The following PLPP1 variants were observed in gnomAD, a reference collection of about 807,000 sequenced individuals.
PLPP1 encodes the protein lipid phosphate phosphohydrolase 1a.
A neutral mutation model predicts 31.2 loss-of-function variants in PLPP1; 24 were observed. The observed-to-expected ratio is 0.77, with a 90% confidence interval of 0.56 to 1.08. The LOEUF (loss-of-function observed/expected upper bound fraction) is 1.08, where lower values mean the gene tolerates loss of function less well. Among genes scored for constraint, PLPP1 ranks in the 50% least tolerant of loss-of-function variants. The probability of loss-of-function intolerance (pLI) is 0.00; values close to 1 mark genes in which losing one functional copy is unlikely to be tolerated. For synonymous variants in PLPP1, 146 were observed against 126.3 expected, an observed-to-expected ratio of 1.16 and a Z score of -1.05; for missense variants, 319 against 342.7, an observed-to-expected ratio of 0.93 and a Z score of 0.55.
At chr5:55,529,431 G>A (rs1561259898) in intron 1 of PLPP1, among the ~76,000 whole-genome samples, 2 of 152,036 alleles carry the variant, frequency 1.3e-5, no homozygotes, top group East Asian at 3.8e-4. Context: ...TGAAAATTCT[G>A]AGGCCAAAGA....
Position 55,430,713 on chromosome 5 carries a change from GT to G in PLPP1, c.550-4675del, listed in dbSNP as rs1481151320. ...AATATGACACTTCCAAAGGAACACA[GT>G]AATTTTGTAGCAACAGATTCCAATG... On this transcript the variant is annotated intron_variant, in intron 4 of 5. Coordinates refer to ENST00000307259, the MANE Select transcript of PLPP1 (RefSeq NM_003711.4). Among the ~76,000 whole-genome samples, 3 of 152,278 alleles carry G rather than the reference GT, an allele frequency of 2.0e-5. No homozygotes were observed. In the East Asian group the frequency reaches 5.8e-4, roughly 29 times the overall value.
intron 1 of PLPP1, among the ~76,000 whole-genome samples, chr5:55,500,892 T>C (rs928405558): frequency 5.9e-5 from 9 of 152,238 alleles, no homozygotes; most frequent in Non-Finnish European, 1.3e-4. Context: ...ATTATGCCTA[T>C]AACTTACCTG....
At chr5:55,534,052 C>T (rs905709535) in intron 1 of PLPP1, among the ~76,000 whole-genome samples, 1 of 152,196 alleles carries the variant, frequency 6.6e-6, no homozygotes, top group East Asian at 1.9e-4. Flanking sequence ...ACTTGGCGTG[C>T]TCATCCCTAC....
At chr5:55,451,309 G>A (rs936710868) in intron 3 of PLPP1, among the ~76,000 whole-genome samples, 2 of 152,114 alleles carry the variant, frequency 1.3e-5, no homozygotes, top group Non-Finnish European at 2.9e-5. Context: ...GAAAGATAAC[G>A]CTCAAGACAC....
intron 4 of PLPP1, among the ~76,000 whole-genome samples, chr5:55,435,089 T>C (rs939744695): frequency 3.9e-5 from 6 of 152,186 alleles, no homozygotes; most frequent in African/African-American, 1.4e-4. Context: ...GCATGGGGCA[T>C]GAATAGACAA....
chr5:55,492,972 T>C (rs1752926484), intron 1 of PLPP1, among the ~76,000 whole-genome samples: 1 of 152,108 alleles, frequency 6.6e-6, no homozygotes, highest in South Asian at 2.1e-4. Context: ...GGGGAACCTG[T>C]CCTTTAAAAA....
intron 1 of PLPP1, among the ~76,000 whole-genome samples, chr5:55,494,202 A>C (rs984970494): frequency 1.3e-5 from 2 of 151,946 alleles, no homozygotes; most frequent in African/African-American, 2.4e-5. Context: ...AGGGAGAGAG[A>C]GAGCAAGAAG....
At chr5:55,472,760 A>G (rs200919284) in intron 2 of PLPP1, among the ~76,000 whole-genome samples, 1 of 4,752 alleles carries the variant, frequency 2.1e-4, no homozygotes, top group Admixed American at 5.1e-3. Context: ...AGGAAGAGGA[A>G]GAAGAAGAGG....
At chr5:55,508,505 GATGA>G (rs1311443998) in intron 1 of PLPP1, among the ~76,000 whole-genome samples, 4 of 152,178 alleles carry the variant, frequency 2.6e-5, no homozygotes, top group Non-Finnish European at 5.9e-5. Flanking sequence ...ACAAATATTT[GATGA>G]ATGAACAGTC....
At chr5:55,521,494 GCAA>G (rs1258342189) in intron 1 of PLPP1, among the ~76,000 whole-genome samples, 1 of 151,940 alleles carries the variant, frequency 6.6e-6, no homozygotes, top group Non-Finnish European at 1.5e-5. Context: ...CTCAGCCTGG[GCAA>G]CAGAGCGAGA....
At position 55,505,193 on chromosome 5, in the gene PLPP1, A is replaced by G. The variant is rs144407818; in HGVS notation, c.58+29379T>C. 1.7e-3 allele frequency among the ~76,000 whole-genome samples: 258 copies of G among 152,172 alleles called. 1 individual carries two copies. Among genetic ancestry groups the G allele is most frequent in the Middle Eastern group, 6.8e-3 (2 of 294 alleles). ...TTTACCCTCTTCTTATCATCCCCCT[A>G]TATTTTCTATACTTCATCTACTCAA... On this transcript the variant is annotated intron_variant, in intron 1 of 5. Coordinates refer to ENST00000307259, the MANE Select transcript of PLPP1 (RefSeq NM_003711.4).
intron 1 of PLPP1, among the ~76,000 whole-genome samples, chr5:55,499,688 A>T (rs112120488): frequency 2.9e-4 from 44 of 151,412 alleles, no homozygotes; most frequent in South Asian, 4.2e-4. Context: ...ACTCAAAAAA[A>T]AAATAAATAA....
chr5:55,528,464 T>G (rs1740547808), intron 1 of PLPP1, among the ~76,000 whole-genome samples: 1 of 152,270 alleles, frequency 6.6e-6, no homozygotes, highest in Non-Finnish European at 1.5e-5. Context: ...CTTATTCATC[T>G]TTGTATCCCT....
At chr5:55,489,786 TGA>T (rs2111848345) in intron 1 of PLPP1, among the ~76,000 whole-genome samples, 1 of 152,294 alleles carries the variant, frequency 6.6e-6, no homozygotes, top group East Asian at 1.9e-4. Flanking sequence ...CTGAGTTTAC[TGA>T]GACACTAAAG....
chr5:55,435,856 T>C (rs1238797147), intron 4 of PLPP1, among the ~76,000 whole-genome samples: 4 of 151,918 alleles, frequency 2.6e-5, no homozygotes, highest in African/African-American at 9.7e-5. Context: ...GCTATTTCTA[T>C]TCCTCCCTGT....
chr5:55,493,472 G>A (rs776849008), intron 1 of PLPP1, among the ~76,000 whole-genome samples: 1 of 152,258 alleles, frequency 6.6e-6, no homozygotes, highest in South Asian at 2.1e-4. Flanking sequence ...CTCAGGCATG[G>A]TGACTAACAC....
intron 1 of PLPP1, among the ~76,000 whole-genome samples, chr5:55,513,821 G>A (rs760370692): frequency 2.6e-5 from 4 of 152,178 alleles, no homozygotes; most frequent in East Asian, 1.9e-4. Context: ...AGCTACTCAG[G>A]AGGCTGAAGT....
At chr5:55,493,213 G>A (rs1233474607) in intron 1 of PLPP1, among the ~76,000 whole-genome samples, 2 of 151,878 alleles carry the variant, frequency 1.3e-5, no homozygotes, top group Admixed American at 6.6e-5. Context: ...TACTCAGGAG[G>A]GTGAGGCAGG....
chr5:55,472,557 G>T (rs745628592), intron 2 of PLPP1, among the ~76,000 whole-genome samples: 1 of 151,848 alleles, frequency 6.6e-6, no homozygotes, highest in East Asian at 1.9e-4. Context: ...CTGAGATCGC[G>T]CCAGTGCACT....
Sources: allele counts gnomAD v4.1 joint callset (sites outside exome capture counted in the v4.1 genomes callset), GRCh38; gene constraint gnomAD v4.1.1; transcripts MANE v1.5; gene names NCBI Gene and HGNC (gene_info 2026-07-23, HGNC 2026-07-21).